Variants in FMN1 observed in about 807,000 individuals in gnomAD.
The protein encoded by FMN1 is formin-1.
In FMN1, 110 loss-of-function variants were observed where a neutral mutation model predicts 132.4. That is an observed-to-expected ratio of 0.83 (90% CI 0.71 to 0.97). FMN1 has a LOEUF of 0.97. Ranked by LOEUF, FMN1 falls within the 50% of genes least tolerant of loss-of-function variation. FMN1 has a pLI of 0.00. For synonymous variants in FMN1, 722 were observed against 651.7 expected (o/e 1.11, Z -1.64); for missense variants, 1,792 against 1,705.3 (o/e 1.05, Z -0.90).
intron 10 of FMN1, among the ~76,000 whole-genome samples, chr15:32,923,235 C>A (rs951837440): frequency 3.9e-5 from 6 of 152,192 alleles, no homozygotes; most frequent in Admixed American, 1.3e-4. Context: ...CTAACCATAG[C>A]CCCTCTCACA....
rs2056106324 is a variant in FMN1, at chr15:32,768,075, GA to G, written c.*6234del. The stretch of plus-strand genomic sequence containing the variant: ...AAATGTCCTTTTAGTCCCTTACTGG[GA>G]AGAGCAGTATAATTTTTGTATGCTA... On this transcript the variant is annotated 3_prime_UTR_variant, in exon 21 of 21. Transcript: ENST00000616417. 6.6e-6 allele frequency: 1 copy of G among 152,150 alleles called. No homozygotes were observed. 9.4% of individuals were successfully genotyped at this position (152,150 alleles called of 1,614,324 possible). A position where few individuals can be genotyped will look rare whatever the true frequency, so the allele number is the denominator to read the frequency against.
chr15:33,018,652 T>C (rs1424719377), intron 6 of FMN1, among the ~76,000 whole-genome samples: 1 of 152,182 alleles, frequency 6.6e-6, no homozygotes, highest in Non-Finnish European at 1.5e-5. Context: ...TGTCCGGAAT[T>C]GGTGTGTTCT....
chr15:32,802,951 A>G (rs961754403), intron 18 of FMN1, among the ~76,000 whole-genome samples: 1 of 152,204 alleles, frequency 6.6e-6, no homozygotes, highest in Non-Finnish European at 1.5e-5. Flanking sequence ...CGATTTGAGA[A>G]TATGTCTGTA....
intron 12 of FMN1, 52 bp from the exon 13 acceptor site, chr15:32,902,092 T>G: frequency 6.5e-7 from 1 of 1,527,254 alleles, no homozygotes; most frequent in South Asian, 1.2e-5. Flanking sequence ...ACAAGGAAAA[T>G]AAAAAGACAG....
chr15:33,184,106 C>T (rs865861187), intron 2 of FMN1, among the ~76,000 whole-genome samples: 1 of 152,036 alleles, frequency 6.6e-6, no homozygotes, highest in Non-Finnish European at 1.5e-5. Flanking sequence ...GTATTGTTTT[C>T]GTTATAAACA....
chr15:32,816,818 C>T (rs2058073364), intron 17 of FMN1, among the ~76,000 whole-genome samples: 1 of 152,190 alleles, frequency 6.6e-6, no homozygotes, highest in Non-Finnish European at 1.5e-5. Flanking sequence ...GTCCTTTATT[C>T]ACACCTTATA....
intron 4 of FMN1, among the ~76,000 whole-genome samples, chr15:33,107,145 T>C (rs1414858316): frequency 6.6e-6 from 1 of 152,048 alleles, no homozygotes; most frequent in Non-Finnish European, 1.5e-5. Context: ...TTGAGTCCTC[T>C]CTTTCCCTCA....
At chr15:33,105,389 G>A (rs1403760524) in intron 4 of FMN1, among the ~76,000 whole-genome samples, 2 of 151,952 alleles carry the variant, frequency 1.3e-5, no homozygotes, top group East Asian at 3.9e-4. Context: ...GATTGTAGGG[G>A]ATTTGGTGGG....
intron 9 of FMN1, among the ~76,000 whole-genome samples, chr15:32,953,933 T>C (rs2061707520): frequency 6.6e-6 from 1 of 152,216 alleles, no homozygotes; most frequent in South Asian, 2.1e-4. Flanking sequence ...CACACTCAGT[T>C]TAAAAATGTA....
At chr15:33,004,480 C>T (rs1422126727) in intron 7 of FMN1, among the ~76,000 whole-genome samples, 1 of 152,204 alleles carries the variant, frequency 6.6e-6, no homozygotes, top group Non-Finnish European at 1.5e-5. Flanking sequence ...CAAAGCAGAA[C>T]CACAATGAGA....
intron 4 of FMN1, among the ~76,000 whole-genome samples, chr15:33,095,320 C>G (rs557107832): frequency 1.3e-5 from 2 of 152,064 alleles, no homozygotes; most frequent in African/African-American, 4.8e-5. Context: ...TGCACTCCAG[C>G]CTGGGCAACA....
intron 16 of FMN1, among the ~76,000 whole-genome samples, chr15:32,870,845 T>C (rs1388236721): frequency 6.6e-6 from 1 of 152,188 alleles, no homozygotes. Flanking sequence ...AGCCTTCCCT[T>C]GAATTAAAGA....
chr15:33,124,341 A>G (rs1441473582), intron 4 of FMN1, among the ~76,000 whole-genome samples: 1 of 152,240 alleles, frequency 6.6e-6, no homozygotes, highest in East Asian at 1.9e-4. Flanking sequence ...CTGTGCTGTT[A>G]TAGCCTCTCC....
chr15:33,150,146 CA>C (rs1964385539), intron 4 of FMN1: 8 of 985,414 alleles, frequency 8.1e-6, no homozygotes, highest in Non-Finnish European at 9.6e-6. Context: ...TATGGTGAGC[CA>C]AGCTCCCTGT....
intron 9 of FMN1, among the ~76,000 whole-genome samples, chr15:32,931,935 G>GCTTT (rs2061128764): frequency 6.6e-6 from 1 of 152,068 alleles, no homozygotes; most frequent in East Asian, 1.9e-4. Context: ...TCAGAAAACA[G>GCTTT]TGTTGAGTTT....
intron 12 of FMN1, among the ~76,000 whole-genome samples, chr15:32,903,915 A>G (rs551190081): frequency 6.6e-6 from 1 of 152,212 alleles, no homozygotes; most frequent in Non-Finnish European, 1.5e-5. Context: ...AAGGGTCTGC[A>G]ACCCATACGA....
chr15:32,937,996 A>C (rs2061317744), intron 9 of FMN1, among the ~76,000 whole-genome samples: 1 of 152,220 alleles, frequency 6.6e-6, no homozygotes, highest in East Asian at 1.9e-4. Flanking sequence ...ATTGGTTAGA[A>C]ATTGGGCTAG....
intron 4 of FMN1, among the ~76,000 whole-genome samples, chr15:33,136,023 T>G (rs1443484385): frequency 6.6e-6 from 1 of 152,220 alleles, no homozygotes; most frequent in Non-Finnish European, 1.5e-5. Flanking sequence ...AATAAATATT[T>G]GTTGAATAAA....
intron 16 of FMN1, among the ~76,000 whole-genome samples, chr15:32,861,355 C>G (rs1359135825): frequency 6.6e-6 from 1 of 152,184 alleles, no homozygotes; most frequent in Admixed American, 6.5e-5. Flanking sequence ...TCCCTTTGTG[C>G]TAGATGTGGT....
Sources: allele counts gnomAD v4.1 joint callset (sites outside exome capture counted in the v4.1 genomes callset), GRCh38; gene constraint gnomAD v4.1.1; transcripts MANE v1.5; gene names NCBI Gene and HGNC (gene_info 2026-07-23, HGNC 2026-07-21).